The following NECTIN1 variants were observed in gnomAD, a reference collection of about 807,000 sequenced individuals.
NECTIN1 encodes the protein nectin-1.
Under a neutral mutation model 48.0 loss-of-function variants are expected in NECTIN1, and 23 were observed. That is an observed-to-expected ratio of 0.48 (90% confidence interval 0.34 to 0.68). The LOEUF (loss-of-function observed/expected upper bound fraction) is 0.68, where lower values mean the gene tolerates loss of function less well. Among genes scored for constraint, NECTIN1 ranks in the 30% least tolerant of loss-of-function variants. NECTIN1 has a pLI of 0.01. For synonymous variants in NECTIN1, 270 were observed against 288.9 expected (o/e 0.93, Z 0.66); for missense variants, 591 against 709.9 (o/e 0.83, Z 1.90).
In NECTIN1 at chr11:119,648,307, ATGGTGGTGATGGTGATGGTGGTGATGG is replaced by A. The variant is rs1565376557; in HGVS notation, c.1004-8322_1004-8296del. Among the ~76,000 whole-genome samples the A allele has an allele frequency of 9.9e-3, 103 of 10,416 alleles. 6 individuals carry two copies. Among genetic ancestry groups the A allele is most frequent in the Non-Finnish European group, 0.011 (65 of 5,694 alleles). 6.8% of individuals were successfully genotyped at this position (10,416 alleles called of 152,430 possible). On this transcript the variant is annotated intron_variant, in intron 5 of 7. Coordinates refer to the NECTIN1 transcript ENST00000341398. ...GGTGGTGATGGTGGTGGTGGTGGTG[ATGGTGGTGATGGTGATGGTGGTGATGG>A]TGGTGGTGATGCTGGTGGTGGTGAT...
intron 5 of NECTIN1, among the ~76,000 whole-genome samples, chr11:119,671,379 G>C (rs1366876785): frequency 6.6e-6 from 1 of 152,084 alleles, no homozygotes; most frequent in Admixed American, 6.5e-5. Flanking sequence ...ATTCCTGAAG[G>C]GTTGTAACCT....
chr11:119,704,082 G>A (rs1435136201), intron 1 of NECTIN1, among the ~76,000 whole-genome samples: 1 of 152,152 alleles, frequency 6.6e-6, no homozygotes, highest in Non-Finnish European at 1.5e-5. Context: ...CGGGCAAGAA[G>A]CTGCCTCAAA....
intron 1 of NECTIN1, among the ~76,000 whole-genome samples, chr11:119,707,144 G>C (rs960224241): frequency 6.6e-6 from 1 of 152,120 alleles, no homozygotes. Flanking sequence ...TGAAGGACAG[G>C]GAGGTTTTCA....
chr11:119,641,013 C>T (rs2135523261), intron 5 of NECTIN1: 1 of 152,350 alleles, frequency 6.6e-6, no homozygotes, highest in Middle Eastern at 3.4e-3. Context: ...GTCCCTTCCA[C>T]TCACTCACTC....
intron 5 of NECTIN1, chr11:119,641,749 G>A (rs1161575478): frequency 2.0e-5 from 3 of 150,950 alleles, no homozygotes; most frequent in African/African-American, 7.3e-5. Flanking sequence ...TTTAGACGGA[G>A]TCTCACTCTG....
At chr11:119,698,189 C>A (rs1240216367) in intron 1 of NECTIN1, among the ~76,000 whole-genome samples, 2 of 152,234 alleles carry the variant, frequency 1.3e-5, no homozygotes, top group Non-Finnish European at 2.9e-5. Context: ...AATTCCCATG[C>A]TGGACCCTTT....
chr11:119,710,886 G>A lies in NECTIN1; in HGVS notation c.79+17589C>T, dbSNP rs958871043. Reference sequence around the variant, plus strand: ...CCCGCCTGTCAAACCACACATCCACGCACAACTTCACACACACATAACCGC... The same window carrying A: ...CCCGCCTGTCAAACCACACATCCACACACAACTTCACACACACATAACCGC... On this transcript the variant is annotated intron_variant, in intron 1 of 5. Transcript: ENST00000264025. 3.3e-5 allele frequency among the ~76,000 whole-genome samples: 5 copies of A among 152,160 alleles called. No homozygotes were observed. In the South Asian group the frequency reaches 1.0e-3, roughly 32 times the overall value.
chr11:119,667,030 C>G (rs1229987169), intron 5 of NECTIN1, among the ~76,000 whole-genome samples: 1 of 152,198 alleles, frequency 6.6e-6, no homozygotes, highest in Non-Finnish European at 1.5e-5. Flanking sequence ...CCGCTCCCCA[C>G]CTGCCACCAC....
chr11:119,672,206 C>A lies in NECTIN1; in HGVS notation c.1003+2953G>T, dbSNP rs1218749807. ...GGATGGACATCCTACACCCTGGCAG[C>A]CTCCCTGTCCTGCTCTTGGGAGTGG... is the stretch of plus-strand genomic sequence containing the variant. On this transcript the variant is annotated intron_variant, in intron 5 of 5. Transcript: ENST00000264025. This position sits in a 1 kb window ranked among gnomAD's most constrained non-coding sequence, Gnocchi z 4.3. Among the ~76,000 whole-genome samples, 1 of 152,082 alleles carries A rather than the reference C, an allele frequency of 6.6e-6. No homozygotes were observed. Among genetic ancestry groups the A allele is most frequent in the Non-Finnish European group, 1.5e-5 (1 of 68,038 alleles).
At position 119,727,175 on chromosome 11, in the gene NECTIN1, G is replaced by A. The variant is rs889614224; in HGVS notation, c.79+1300C>T. On this transcript the variant is annotated intron_variant, in intron 1 of 5. Transcript: ENST00000264025. This position sits in a 1 kb window ranked among gnomAD's most constrained non-coding sequence, Gnocchi z 4.1. ...GCAGAAGAGGCATAGAAGGGAATGA[G>A]GCCAGGCTTCTGCCTTCCAGGAGTG... 6.6e-6 allele frequency among the ~76,000 whole-genome samples: 1 copy of A among 152,214 alleles called. No homozygotes were observed. The highest frequency in any genetic ancestry group is 2.4e-5 in the African/African-American group (1 of 41,442).
At chr11:119,641,754 ACT>A (rs1864328324) in intron 5 of NECTIN1, 1 of 146,500 alleles carries the variant, frequency 6.8e-6, no homozygotes, top group Non-Finnish European at 1.5e-5. Context: ...ACGGAGTCTC[ACT>A]CTGTCGCCCA....
intron 1 of NECTIN1, among the ~76,000 whole-genome samples, chr11:119,719,724 C>T (rs927564627): frequency 1.1e-4 from 16 of 152,154 alleles, no homozygotes; most frequent in Admixed American, 5.9e-4. Context: ...CTGGAGAAAC[C>T]AAGCCTCATC....
intron 5 of NECTIN1, chr11:119,674,669 A>G (rs1480876408): frequency 6.2e-7 from 1 of 1,614,246 alleles, no homozygotes; most frequent in Admixed American, 1.7e-5. Flanking sequence ...GCTCAGTTGC[A>G]GGGCACACAA....
chr11:119,656,976 G>A (rs540142321), downstream of NECTIN1, among the ~76,000 whole-genome samples: 1 of 152,164 alleles, frequency 6.6e-6, no homozygotes, highest in South Asian at 2.1e-4. Flanking sequence ...GCGCCTATAG[G>A]TGGTCTAAAC....
intron 6 of NECTIN1, chr11:119,639,853 T>C: frequency 6.2e-7 from 1 of 1,614,082 alleles, no homozygotes; most frequent in Non-Finnish European, 8.5e-7. Context: ...GGCAGAGTCC[T>C]GCCTGGCTCA....
chr11:119,671,739 C>G (rs1219500579), intron 5 of NECTIN1, among the ~76,000 whole-genome samples: 2 of 152,148 alleles, frequency 1.3e-5, no homozygotes, highest in Non-Finnish European at 2.9e-5. Flanking sequence ...GGAAGCCCTT[C>G]TGTCCATCTG....
downstream of NECTIN1, among the ~76,000 whole-genome samples, chr11:119,659,890 C>T (rs1333430932): frequency 1.3e-5 from 2 of 152,210 alleles, no homozygotes; most frequent in Non-Finnish European, 2.9e-5. Flanking sequence ...AAACGGACAG[C>T]CTGGAAAACT....
chr11:119,652,899 C>T (rs1864513432), intron 5 of NECTIN1, among the ~76,000 whole-genome samples: 1 of 152,122 alleles, frequency 6.6e-6, no homozygotes, highest in South Asian at 2.1e-4. Flanking sequence ...ACTGATGGTA[C>T]AAGAGAGAGG....
At chr11:119,647,161 ATGTGTGTGTGTGTGTGTGTGTGTGTG>A (rs58590467) in intron 5 of NECTIN1, among the ~76,000 whole-genome samples, 35 of 84,782 alleles carry the variant, frequency 4.1e-4, no homozygotes, top group Admixed American at 1.8e-3. Flanking sequence ...CTTGCGGCGC[ATGTGTGTGTGTGTGTGTGTGTGTGTG>A]TGTGTGTGTG....
Sources: gnomAD v4.1 joint callset for allele counts (sites outside exome capture counted in the v4.1 genomes callset) on GRCh38, gnomAD v4.1.1 for gene constraint, Gnocchi (gnomAD v3.1) non-coding constraint, MANE v1.5 for transcripts, NCBI Gene and HGNC (gene_info 2026-07-23, HGNC 2026-07-21) for gene names.